KIAA1549L: variants seen among roughly 807,000 people sequenced by gnomAD.
KIAA1549L encodes UPF0606 protein KIAA1549L.
Under a neutral mutation model 160.7 loss-of-function variants are expected in KIAA1549L, and 88 were observed. That is an observed-to-expected ratio of 0.55 (90% CI 0.46 to 0.65). KIAA1549L has a LOEUF of 0.65. Among genes scored for constraint, KIAA1549L ranks in the 30% least tolerant of loss-of-function variants. The pLI is 0.00. For synonymous variants in KIAA1549L, 950 were observed against 976.7 expected (o/e 0.97, Z 0.51); for missense variants, 2,258 against 2,437.5 (o/e 0.93, Z 1.55).
At chr11:33,477,534 C>A (rs1852317051) in intron 1 of KIAA1549L, among the ~76,000 whole-genome samples, 5 of 151,836 alleles carry the variant, frequency 3.3e-5, no homozygotes, top group Admixed American at 3.3e-4. Flanking sequence ...CACACACACA[C>A]ACACACACGA....
chr11:33,470,407 A>G (rs1047618544), intron 1 of KIAA1549L, among the ~76,000 whole-genome samples: 3 of 152,066 alleles, frequency 2.0e-5, no homozygotes, highest in South Asian at 2.1e-4. Flanking sequence ...ACACTGTAGT[A>G]TAGTGTATTG....
At chr11:33,516,477 G>T (rs1853345925) in intron 1 of KIAA1549L, among the ~76,000 whole-genome samples, 1 of 152,144 alleles carries the variant, frequency 6.6e-6, no homozygotes, top group African/African-American at 2.4e-5. Flanking sequence ...GATGTGATCA[G>T]CTATATCTGA....
chr11:33,662,415 C>A (rs1852296201), intron 20 of KIAA1549L, among the ~76,000 whole-genome samples: 1 of 152,160 alleles, frequency 6.6e-6, no homozygotes, highest in Non-Finnish European at 1.5e-5. Flanking sequence ...CTAGAGGGAT[C>A]CCCTGCTGTT....
intron 1 of KIAA1549L, among the ~76,000 whole-genome samples, chr11:33,533,032 A>G (rs1266738197): frequency 6.6e-6 from 1 of 152,230 alleles, no homozygotes; most frequent in Non-Finnish European, 1.5e-5. Flanking sequence ...CTCCTTAAGT[A>G]GCAGACTCTG....
chr11:33,380,915 T>C lies in KIAA1549L; in HGVS notation c.238+4026T>C, dbSNP rs367704103. Among the ~76,000 whole-genome samples, 9 of 152,088 alleles carry C rather than the reference T, an allele frequency of 5.9e-5. No homozygotes were observed. In the South Asian group the frequency reaches 1.9e-3, roughly 32 times the overall value. On this transcript the variant is annotated intron_variant, in intron 1 of 20. Transcript: ENST00000658780. The stretch of plus-strand genomic sequence containing the variant: ...CTAGAACAGGTTCAAGCTCATTTGT[T>C]CATTCATTCATTCCTTTATTCAGTA...
At chr11:33,482,891 T>A (rs1003469134) in intron 1 of KIAA1549L, among the ~76,000 whole-genome samples, 4 of 152,114 alleles carry the variant, frequency 2.6e-5, no homozygotes, top group African/African-American at 9.7e-5. Flanking sequence ...AAGTAGTTTT[T>A]AAAAAGTTAT....
rs927894187 is a variant in KIAA1549L at position 33,516,139 on chromosome 11, CTTTTTTTTTTTTTTTT to C, written c.239-25648_239-25633del. 2.5e-4 allele frequency among the ~76,000 whole-genome samples: 11 copies of C among 43,290 alleles called. 5 individuals carry two copies. Among genetic ancestry groups the C allele is most frequent in the South Asian group, 1.6e-3 (2 of 1,290 alleles). 28.4% of individuals were successfully genotyped at this position (43,290 alleles called of 152,430 possible). ...CACTACCAATCAGCTGGAGGTGATTCTTTTTTTTTTTTTTTTTTTTTTTTTTTTTTGAGACGGAGTC... is the reference window on the plus strand; with the variant it reads ...CACTACCAATCAGCTGGAGGTGATTCTTTTTTTTTTTTTTGAGACGGAGTC... On this transcript the variant is annotated intron_variant, in intron 1 of 20. Coordinates refer to ENST00000658780, the MANE Select transcript of KIAA1549L (RefSeq NM_012194.3).
At position 33,575,842 on chromosome 11, in the gene KIAA1549L, G is replaced by A. The variant is rs531612399; in HGVS notation, c.4402+969G>A. On this transcript the variant is annotated intron_variant, in intron 10 of 20. Coordinates refer to ENST00000658780, the MANE Select transcript of KIAA1549L (RefSeq NM_012194.3). ...AATTGGAAAGGTGTATTGATCCGGAGACTAAGGCCTTGAATGACAGGGAAG... is the reference window on the plus strand; with the variant it reads ...AATTGGAAAGGTGTATTGATCCGGAAACTAAGGCCTTGAATGACAGGGAAG... Among the ~76,000 whole-genome samples the A allele has an allele frequency of 2.2e-4, 34 of 152,298 alleles. No individual in the cohort carries two copies. The South Asian group carries it at 7.1e-3, about 32-fold the overall frequency.
chr11:33,556,994 C>A (rs1854670740), intron 6 of KIAA1549L, among the ~76,000 whole-genome samples: 1 of 152,086 alleles, frequency 6.6e-6, no homozygotes, highest in Non-Finnish European at 1.5e-5. Context: ...GTTTTTGTTT[C>A]ATTTTGTTTT....
At chr11:33,572,025 C>A (rs1855275378) in intron 9 of KIAA1549L, among the ~76,000 whole-genome samples, 1 of 150,734 alleles carries the variant, frequency 6.6e-6, no homozygotes, top group African/African-American at 2.5e-5. Flanking sequence ...ATAGTCCCAA[C>A]ATTTTATTAT....
chr11:33,536,230 A>G (rs556345778), intron 1 of KIAA1549L, among the ~76,000 whole-genome samples: 2 of 152,332 alleles, frequency 1.3e-5, no homozygotes, highest in South Asian at 2.1e-4. Context: ...CAAGCATTTT[A>G]TTATGCCCAT....
At chr11:33,581,457 T>TTC (rs1419615190) in intron 10 of KIAA1549L, among the ~76,000 whole-genome samples, 1 of 151,548 alleles carries the variant, frequency 6.6e-6, no homozygotes. Context: ...AAGCACACAC[T>TTC]TCTATTCATG....
chr11:33,463,383 G>A (rs980714237), intron 1 of KIAA1549L, among the ~76,000 whole-genome samples: 2 of 151,572 alleles, frequency 1.3e-5, no homozygotes, highest in African/African-American at 4.9e-5. Context: ...GCAAGCCAGT[G>A]TAAATGAATT....
chr11:33,440,602 G>C lies in KIAA1549L; in HGVS notation c.238+63713G>C, dbSNP rs1851482098. Among the ~76,000 whole-genome samples, 5 of 152,204 alleles carry C rather than the reference G, an allele frequency of 3.3e-5. No homozygotes were observed. In the South Asian group the frequency reaches 1.0e-3, roughly 32 times the overall value. On this transcript the variant is annotated intron_variant, in intron 1 of 20. Coordinates refer to ENST00000658780, the MANE Select transcript of KIAA1549L (RefSeq NM_012194.3). ...AAGTTTTCTAAGCCTGGCTTAACAT[G>C]ACATTATTATCCATACTTTTCTACA... is the stretch of plus-strand genomic sequence containing the variant.
chr11:33,459,658 C>T (rs2132994155), intron 1 of KIAA1549L, among the ~76,000 whole-genome samples: 2 of 152,280 alleles, frequency 1.3e-5, no homozygotes, highest in South Asian at 4.1e-4. Flanking sequence ...CCTTGTTTGG[C>T]TTGTAGAAAT....
chr11:33,472,183 T>A (rs1457595915), intron 1 of KIAA1549L, among the ~76,000 whole-genome samples: 1 of 151,824 alleles, frequency 6.6e-6, no homozygotes, highest in Non-Finnish European at 1.5e-5. Flanking sequence ...TACCTAGACT[T>A]GAGTACAGTG....
intron 1 of KIAA1549L, among the ~76,000 whole-genome samples, chr11:33,406,588 A>G (rs887794074): frequency 6.6e-6 from 1 of 152,248 alleles, no homozygotes; most frequent in Non-Finnish European, 1.5e-5. Flanking sequence ...GCAGCGGAGC[A>G]AAGCTCCCCA....
At chr11:33,457,740 G>A (rs1193799265) in intron 1 of KIAA1549L, among the ~76,000 whole-genome samples, 1 of 152,220 alleles carries the variant, frequency 6.6e-6, no homozygotes, top group Non-Finnish European at 1.5e-5. Flanking sequence ...CTTCCTCGAG[G>A]TGGTGATGTC....
chr11:33,396,593 G>A (rs1349019279), intron 1 of KIAA1549L, among the ~76,000 whole-genome samples: 1 of 152,008 alleles, frequency 6.6e-6, no homozygotes, highest in African/African-American at 2.4e-5. Flanking sequence ...TAGAGTGAAG[G>A]GACTCAGCTG....
Sources: allele counts gnomAD v4.1 joint callset (sites outside exome capture counted in the v4.1 genomes callset), GRCh38; gene constraint gnomAD v4.1.1; transcripts MANE v1.5; gene names NCBI Gene and HGNC (gene_info 2026-07-23, HGNC 2026-07-21).